The following ATG10 variants were observed in gnomAD, a reference collection of about 807,000 sequenced individuals.
The protein encoded by ATG10 is ubiquitin-like-conjugating enzyme ATG10.
ATG10 carries 30 observed loss-of-function variants against 32.1 expected under a neutral mutation model. The observed-to-expected ratio is 0.94, with a 90% confidence interval of 0.70 to 1.27. The LOEUF is 1.27. Among genes scored for constraint, ATG10 ranks in the 50% most tolerant of loss-of-function variants. The pLI is 0.00. For missense variants in ATG10, 233 were observed against 262.3 expected, an observed-to-expected ratio of 0.89 and a Z score of 0.77; for synonymous variants, 87 against 91.5, an observed-to-expected ratio of 0.95 and a Z score of 0.28.
intron 3 of ATG10, among the ~76,000 whole-genome samples, chr5:82,128,996 A>C (rs1766395893): frequency 6.6e-6 from 1 of 151,808 alleles, no homozygotes; most frequent in Non-Finnish European, 1.5e-5. Context: ...CAAGTACACC[A>C]ATCCAATGTA....
intron 2 of ATG10, among the ~76,000 whole-genome samples, chr5:81,990,759 A>G (rs1761429801): frequency 1.3e-5 from 2 of 152,188 alleles, no homozygotes; most frequent in Admixed American, 6.5e-5. Context: ...GGACAGATCA[A>G]TAGGAAGACT....
rs533928271 is a variant in ATG10, at chr5:82,232,197, A to G, written c.454-20365A>G. Among the ~76,000 whole-genome samples, 4 of 152,318 alleles carry G rather than the reference A, an allele frequency of 2.6e-5. No homozygotes were observed. In the South Asian group the frequency reaches 8.3e-4, roughly 32 times the overall value. On this transcript the variant is annotated intron_variant, in intron 5 of 7. Coordinates refer to ENST00000282185, the MANE Select transcript of ATG10 (RefSeq NM_031482.5). Reference sequence around the variant, plus strand: ...GTCCTTGGTTTAGTGTGTGTCTCAGAAATAGACTTAAGTCAAAAATTGTCA... The same window carrying G: ...GTCCTTGGTTTAGTGTGTGTCTCAGGAATAGACTTAAGTCAAAAATTGTCA...
chr5:82,199,357 G>A (rs1003557677), intron 5 of ATG10, among the ~76,000 whole-genome samples: 4 of 151,784 alleles, frequency 2.6e-5, no homozygotes, highest in Admixed American at 6.6e-5. Context: ...CTAGACTTGC[G>A]AGTCTTTAGA....
At chr5:81,973,113 T>C (rs963735460) in intron 1 of ATG10, 2 of 152,206 alleles carry the variant, frequency 1.3e-5, no homozygotes, top group Admixed American at 6.5e-5. Flanking sequence ...TTTAGTGCCT[T>C]GTAGGATATT....
At chr5:82,056,018 A>G (rs1581642568) in intron 2 of ATG10, among the ~76,000 whole-genome samples, 1 of 152,314 alleles carries the variant, frequency 6.6e-6, no homozygotes, top group South Asian at 2.1e-4. Flanking sequence ...AGCACAGTCT[A>G]TGATGTTTGT....
At chr5:82,117,910 G>A (rs138219119) in intron 3 of ATG10, among the ~76,000 whole-genome samples, 226 of 152,138 alleles carry the variant, frequency 1.5e-3, no homozygotes, top group African/African-American at 5.1e-3. Context: ...TTTTTTAGGA[G>A]GATTGTGGCA....
rs114951459 is a variant in ATG10 at position 82,233,276 on chromosome 5, C to G, written c.454-19286C>G. Among the ~76,000 whole-genome samples the G allele has an allele frequency of 4.1e-3, 630 of 152,290 alleles. 4 individuals carry two copies. The highest frequency in any genetic ancestry group is 0.014 in the African/African-American group (598 of 41,580). ...CTGACTGAACCTGTACCTCTACTGT[C>G]TGACACCATCACCAATGTTCTGATC... On this transcript the variant is annotated intron_variant, in intron 5 of 7. Coordinates refer to ENST00000282185, the MANE Select transcript of ATG10 (RefSeq NM_031482.5).
chr5:82,027,345 G>A (rs1334629452), intron 2 of ATG10, among the ~76,000 whole-genome samples: 1 of 152,106 alleles, frequency 6.6e-6, no homozygotes, highest in Non-Finnish European at 1.5e-5. Context: ...GCTGTGGTAA[G>A]CTATGATTGC....
At chr5:82,048,005 T>G (rs1763282248) in intron 2 of ATG10, among the ~76,000 whole-genome samples, 1 of 149,320 alleles carries the variant, frequency 6.7e-6, no homozygotes, top group Non-Finnish European at 1.5e-5. Flanking sequence ...TTTTCTCAGG[T>G]TTGTCAAAGA....
At chr5:81,992,367 C>T (rs1761489614) in intron 2 of ATG10, 1 of 151,808 alleles carries the variant, frequency 6.6e-6, no homozygotes, top group Admixed American at 6.6e-5. Flanking sequence ...TGGCACCATC[C>T]ATTTTATTTT....
chr5:82,167,626 A>G (rs1237227963), intron 4 of ATG10, among the ~76,000 whole-genome samples: 2 of 152,214 alleles, frequency 1.3e-5, no homozygotes, highest in African/African-American at 2.4e-5. Context: ...TTCAGAGACT[A>G]TAGGAGTAGT....
intron 2 of ATG10, among the ~76,000 whole-genome samples, chr5:82,015,749 T>C (rs1762266639): frequency 6.6e-6 from 1 of 152,230 alleles, no homozygotes; most frequent in South Asian, 2.1e-4. Flanking sequence ...TCAAGGTTTT[T>C]AGCTTCTTTG....
chr5:82,124,250 GC>G (rs1334624594), intron 3 of ATG10, among the ~76,000 whole-genome samples: 1 of 150,626 alleles, frequency 6.6e-6, no homozygotes, highest in African/African-American at 2.4e-5. Flanking sequence ...TGATCTGCCC[GC>G]CTTGGCCTCC....
chr5:82,182,870 G>T (rs931975473), intron 5 of ATG10, among the ~76,000 whole-genome samples: 3 of 152,068 alleles, frequency 2.0e-5, no homozygotes, highest in African/African-American at 7.2e-5. Flanking sequence ...GGGGAAACTG[G>T]ATAAAGGATA....
intron 3 of ATG10, among the ~76,000 whole-genome samples, chr5:82,103,882 A>G (rs1006035632): frequency 2.0e-5 from 3 of 152,122 alleles, no homozygotes; most frequent in African/African-American, 7.2e-5. Flanking sequence ...CCTGCCCCCA[A>G]CAGTCACTAC....
chr5:82,071,816 G>A (rs966594641), intron 3 of ATG10, among the ~76,000 whole-genome samples: 6 of 152,170 alleles, frequency 3.9e-5, no homozygotes, highest in African/African-American at 1.4e-4. Context: ...AGCTGTGCTA[G>A]GATATTAGCC....
chr5:81,976,422 A>C (rs1760878218), intron 1 of ATG10: 1 of 152,204 alleles, frequency 6.6e-6, no homozygotes, highest in African/African-American at 2.4e-5. Flanking sequence ...TAAAATAATT[A>C]ATTGGGAGGC....
At chr5:82,164,321 A>G (rs376122687) in intron 3 of ATG10, 78 bp from the exon 4 acceptor site, 309 of 1,173,922 alleles carry the variant, frequency 2.6e-4, no homozygotes, top group Middle Eastern at 3.9e-4. Flanking sequence ...GTGAGAAGAA[A>G]ATCTCCTCTT....
chr5:82,049,052 A>G (rs1384143557), intron 2 of ATG10, among the ~76,000 whole-genome samples: 1 of 151,352 alleles, frequency 6.6e-6, no homozygotes, highest in African/African-American at 2.4e-5. Context: ...TACTGGGTAT[A>G]TACCCAAAGG....
Sources: gnomAD v4.1 joint callset for allele counts (sites outside exome capture counted in the v4.1 genomes callset) on GRCh38, gnomAD v4.1.1 for gene constraint, MANE v1.5 for transcripts, NCBI Gene and HGNC (gene_info 2026-07-23, HGNC 2026-07-21) for gene names.